SYT9: variants seen among roughly 807,000 people sequenced by gnomAD.
SYT9 encodes the protein synaptotagmin 9.
Under a neutral mutation model 48.4 loss-of-function variants are expected in SYT9, and 22 were observed. The observed-to-expected ratio is 0.45, with a 90% CI of 0.32 to 0.65. SYT9 has a LOEUF of 0.65. SYT9 is among the 30% of genes least tolerant of loss of function. The probability of loss-of-function intolerance (pLI) is 0.03; values close to 1 mark genes in which losing one functional copy is unlikely to be tolerated. For missense variants in SYT9, 577 were observed against 622.0 expected (o/e 0.93, Z 0.77); for synonymous variants, 265 against 245.0 (o/e 1.08, Z -0.76).
intron 6 of SYT9, among the ~76,000 whole-genome samples, chr11:7,462,235 T>A (rs1848250255): frequency 6.6e-6 from 1 of 152,236 alleles, no homozygotes; most frequent in African/African-American, 2.4e-5. Context: ...TCAGACTCAG[T>A]TACCTCACTG....
chr11:7,266,073 A>G (rs1014796303), intron 1 of SYT9, among the ~76,000 whole-genome samples: 3 of 152,142 alleles, frequency 2.0e-5, no homozygotes, highest in Non-Finnish European at 4.4e-5. Flanking sequence ...AGAGGATCCC[A>G]AGTTAAACAT....
upstream of SYT9, among the ~76,000 whole-genome samples, chr11:7,249,485 C>T (rs1461159403): frequency 6.6e-6 from 1 of 152,164 alleles, no homozygotes; most frequent in Non-Finnish European, 1.5e-5. Context: ...AAACAGTCTA[C>T]CAATTTGTCC....
chr11:7,464,496 T>A (rs552339747), intron 6 of SYT9, among the ~76,000 whole-genome samples: 1 of 152,300 alleles, frequency 6.6e-6, no homozygotes, highest in East Asian at 1.9e-4. Flanking sequence ...CAAATTAGTG[T>A]CTCTACAACG....
At position 7,306,143 on chromosome 11, in the gene SYT9, C is replaced by G. The variant is rs114636011; in HGVS notation, c.497+2753C>G. On this transcript the variant is annotated intron_variant, in intron 2 of 6. Coordinates refer to ENST00000318881, the MANE Select transcript of SYT9 (RefSeq NM_175733.4). ...CCCTTTTGTACAGTGACTCAATATGCTGGAAATGTGGATGTTTCAATTTTC... is the reference window on the plus strand; with the variant it reads ...CCCTTTTGTACAGTGACTCAATATGGTGGAAATGTGGATGTTTCAATTTTC... Among the ~76,000 whole-genome samples the G allele has an allele frequency of 2.4e-3, 363 of 152,190 alleles. 2 individuals are homozygous for G. The highest frequency in any genetic ancestry group is 8.4e-3 in the African/African-American group (348 of 41,530).
chr11:7,280,105 G>A (rs963380874), intron 1 of SYT9, among the ~76,000 whole-genome samples: 2 of 152,230 alleles, frequency 1.3e-5, no homozygotes, highest in Non-Finnish European at 2.9e-5. Context: ...AATAGAAAAG[G>A]TATGCATAAA....
chr11:7,417,706 G>T (rs915693705), intron 4 of SYT9, among the ~76,000 whole-genome samples: 3 of 152,148 alleles, frequency 2.0e-5, no homozygotes, highest in Non-Finnish European at 2.9e-5. Context: ...CTTAACAGAT[G>T]TTTTCAAACT....
At chr11:7,268,727 A>G (rs74051031) in intron 1 of SYT9, among the ~76,000 whole-genome samples, 2,922 of 152,174 alleles carry the variant, frequency 0.019, 100 homozygotes, top group African/African-American at 0.066. Flanking sequence ...TTTTAAAAAT[A>G]TAACTTTATC....
At chr11:7,267,337 C>G (rs1302641185) in intron 1 of SYT9, among the ~76,000 whole-genome samples, 2 of 151,568 alleles carry the variant, frequency 1.3e-5, no homozygotes, top group Non-Finnish European at 3.0e-5. Flanking sequence ...AAAAATTAAT[C>G]AGCACATGAT....
At position 7,252,057 on chromosome 11, in the gene SYT9, C is replaced by T; in HGVS notation, c.-130C>T. 1 of 1,123,072 alleles carries T rather than the reference C, an allele frequency of 8.9e-7. No individual in the cohort carries two copies. The allele number at this position is 1,123,072 out of a possible 1,614,324, so 69.6% of individuals were successfully genotyped here. On this transcript the variant is annotated 5_prime_UTR_variant, in exon 1 of 7. Transcript: ENST00000318881. The surrounding 1 kb of genome is among the most constrained non-coding windows in gnomAD (Gnocchi z 6.3). ...GCTGGGTCTGGGGCTCGGGCTCAGG[C>T]TCGCACCGTTTCTCGGCAGGTCCCT...
intron 3 of SYT9, among the ~76,000 whole-genome samples, chr11:7,408,820 A>C (rs773208755): frequency 6.6e-6 from 1 of 151,560 alleles, no homozygotes. Flanking sequence ...TTATTATTTC[A>C]TTTTTTTTAA....
intron 3 of SYT9, among the ~76,000 whole-genome samples, chr11:7,382,225 A>G (rs1295702229): frequency 1.3e-5 from 2 of 152,230 alleles, no homozygotes; most frequent in African/African-American, 2.4e-5. Flanking sequence ...TTTTGCCTTC[A>G]TTGTTCTACA....
At chr11:7,363,737 G>T (rs2134019452) in intron 3 of SYT9, among the ~76,000 whole-genome samples, 1 of 152,278 alleles carries the variant, frequency 6.6e-6, no homozygotes, top group East Asian at 1.9e-4. Flanking sequence ...GAATCCAGGA[G>T]TAATGAGTGT....
chr11:7,442,342 A>T (rs1432412575), intron 6 of SYT9, among the ~76,000 whole-genome samples: 1 of 151,706 alleles, frequency 6.6e-6, no homozygotes, highest in East Asian at 1.9e-4. Flanking sequence ...CTCTCCTCCC[A>T]CTCTTCTGCA....
At chr11:7,350,324 G>C (rs906133077) in intron 3 of SYT9, among the ~76,000 whole-genome samples, 1 of 151,842 alleles carries the variant, frequency 6.6e-6, no homozygotes, top group African/African-American at 2.4e-5. Context: ...GCAAATGCAG[G>C]CTTCAGGCTT....
rs528181630 is a variant in SYT9, at chr11:7,287,984, A to G, written c.146-15055A>G. On this transcript the variant is annotated intron_variant, in intron 1 of 6. Transcript: ENST00000318881. ...CCCTGTGCACCATGTTTTCCAAGTG[A>G]TAAATAGCAAGCTATGTGTTCCCAG... 2.0e-5 allele frequency among the ~76,000 whole-genome samples: 3 copies of G among 152,320 alleles called. No individual in the cohort carries two copies. In the South Asian group the frequency reaches 6.2e-4, roughly 32 times the overall value.
chr11:7,273,260 A>G (rs1021735588), intron 1 of SYT9, among the ~76,000 whole-genome samples: 4 of 152,186 alleles, frequency 2.6e-5, no homozygotes, highest in African/African-American at 7.2e-5. Context: ...TGAAATGAAA[A>G]AAAGAGTTTC....
chr11:7,440,578 G>T (rs1342620966), intron 6 of SYT9: 1 of 152,220 alleles, frequency 6.6e-6, no homozygotes, highest in African/African-American at 2.4e-5. Context: ...TCCACCAGAA[G>T]TGAACATGGT....
At chr11:7,384,773 A>C (rs1247566763) in intron 3 of SYT9, among the ~76,000 whole-genome samples, 1 of 152,148 alleles carries the variant, frequency 6.6e-6, no homozygotes, top group African/African-American at 2.4e-5. Flanking sequence ...TTCATAGTTT[A>C]CATGATCTGA....
Position 7,468,664 on chromosome 11 carries a change from G to T in SYT9, c.*1864G>T, listed in dbSNP as rs1427165742. The T allele has an allele frequency of 5.0e-6, 1 of 198,146 alleles. No individual in the cohort carries two copies. The highest frequency in any genetic ancestry group is 2.3e-5 in the African/African-American group (1 of 43,258). 12.3% of individuals were successfully genotyped at this position (198,146 alleles called of 1,614,324 possible). A position where few individuals can be genotyped will look rare whatever the true frequency, so the allele number is the denominator to read the frequency against. ...AGCAGACTGGCTCCAATAGATATCA[G>T]GCAGCAATCCCAATAAATTCTGACA... On this transcript the variant is annotated 3_prime_UTR_variant, in exon 7 of 7. Transcript: ENST00000318881.
Sources: gnomAD v4.1 joint callset for allele counts (sites outside exome capture counted in the v4.1 genomes callset) on GRCh38, gnomAD v4.1.1 for gene constraint, Gnocchi (gnomAD v3.1) non-coding constraint, MANE v1.5 for transcripts, NCBI Gene and HGNC (gene_info 2026-07-23, HGNC 2026-07-21) for gene names.